AADACL4: variants seen among roughly 807,000 people sequenced by gnomAD.
AADACL4 encodes arylacetamide deacetylase-like 4.
AADACL4 carries 9 observed loss-of-function variants against 14.1 expected under a neutral mutation model. The observed-to-expected ratio is 0.64, with a 90% CI of 0.39 to 1.12. AADACL4 has a LOEUF of 1.12. Among genes scored for constraint, AADACL4 ranks in the 50% most tolerant of loss-of-function variants. The pLI, the probability that AADACL4 is intolerant of heterozygous loss-of-function variation, is 0.01. For missense variants in AADACL4, 531 were observed against 516.1 expected (o/e 1.03, Z -0.28); for synonymous variants, 188 against 201.6 (o/e 0.93, Z 0.57).
At chr1:12,658,127 C>CCTTT (rs1491271951) in intron 2 of AADACL4, among the ~76,000 whole-genome samples, 1 of 119,448 alleles carries the variant, frequency 8.4e-6, no homozygotes, top group Non-Finnish European at 1.6e-5. Flanking sequence ...TTCCTTCCTT[C>CCTTT]CTTCCTTCCT....
chr1:12,645,559 T>C (rs1647106430), intron 1 of AADACL4, among the ~76,000 whole-genome samples: 1 of 152,148 alleles, frequency 6.6e-6, no homozygotes, highest in South Asian at 2.1e-4. Context: ...TTTTACTTTT[T>C]TGAGACGGGG....
At position 12,666,672 on chromosome 1, in the gene AADACL4, T is replaced by C; in HGVS notation, c.1161T>C (p.Ala387=). 1 of 1,613,984 alleles carries C rather than the reference T, an allele frequency of 6.2e-7. No homozygotes were observed. The highest frequency in any genetic ancestry group is 8.5e-7 in the Non-Finnish European group (1 of 1,180,018). ...HGSIIFFDKK[A]LSFPCSLKIV... ...CCATTATCTTTTTTGATAAGAAGGC[T>C]CTCTCTTTCCCATGTTCCCTGAAGA... is the stretch of plus-strand genomic sequence containing the variant. Residue 387 remains alanine, a synonymous_variant, in exon 4 of 4, where the codon GCT becomes GCC. Coordinates refer to ENST00000376221, the MANE Select transcript of AADACL4 (RefSeq NM_001013630.2).
Position 12,651,207 on chromosome 1 carries a change from C to A in AADACL4, c.253C>A (p.Pro85Thr). 6.2e-7 allele frequency: 1 copy of A among 1,614,186 alleles called. No individual in the cohort carries two copies. The highest frequency in any genetic ancestry group is 1.7e-5 in the Admixed American group (1 of 60,028). Residue 85 changes from proline (P) to threonine (T), a missense_variant, in exon 2 of 4, where the codon CCT becomes ACT. Physicochemically the swap from Pro to Thr is conservative, Grantham distance 38 (BLOSUM62 -1). Transcript: ENST00000376221. ...TGATAGCGTGAGAATTAAAAAGGAC[C>A]CTGAACTTGTGGTGACCGACCTGCG... The part of the protein sequence containing the change: ...LHDSVRIKKD[P>T]ELVVTDLRFG...
intron 1 of AADACL4, among the ~76,000 whole-genome samples, chr1:12,647,358 C>T (rs1435904060): frequency 6.6e-6 from 1 of 152,170 alleles, no homozygotes; most frequent in Non-Finnish European, 1.5e-5. Flanking sequence ...CTTGGCCTCC[C>T]AAAGTGCTAG....
At chr1:12,648,902 C>T (rs964316555) in intron 1 of AADACL4, among the ~76,000 whole-genome samples, 21 of 152,138 alleles carry the variant, frequency 1.4e-4, no homozygotes, top group African/African-American at 4.3e-4. Flanking sequence ...TTAAACTTTC[C>T]GGGGTAGCGC....
chr1:12,666,852 C>T lies in AADACL4; in HGVS notation c.*117C>T. ...GGTGCTACATCAATGCTTGGGGCAG[C>T]TGGGAAGGGTGAGAAGTAAGCTAAC... is the stretch of plus-strand genomic sequence containing the variant. On this transcript the variant is annotated 3_prime_UTR_variant, in exon 4 of 4. Coordinates refer to ENST00000376221, the MANE Select transcript of AADACL4 (RefSeq NM_001013630.2). 2 of 1,101,052 alleles carry T rather than the reference C, an allele frequency of 1.8e-6. No individual in the cohort carries two copies. Among genetic ancestry groups the T allele is most frequent in the Non-Finnish European group, 2.6e-6 (2 of 777,436 alleles). 68.2% of individuals were successfully genotyped at this position (1,101,052 alleles called of 1,614,324 possible).
In AADACL4 at chr1:12,666,216, T is replaced by C. The variant is rs1332659356; in HGVS notation, c.705T>C (p.Phe235=). 1 of 1,614,266 alleles carries C rather than the reference T, an allele frequency of 6.2e-7. No individual in the cohort carries two copies. Among genetic ancestry groups the C allele is most frequent in the Admixed American group, 1.7e-5 (1 of 60,034 alleles). Residue 235 remains phenylalanine, a synonymous_variant, in exon 4 of 4, where the codon TTT becomes TTC. Transcript: ENST00000376221. ...CATTCTGTTTGCAGTTGCCATCCTT[T>C]CAGCAGAACCAAAATGTCCCATTAC... The part of the protein sequence containing the change: ...VQAFCLQLPS[F]QQNQNVPLLS...
Position 12,666,766 on chromosome 1 carries a change from G to C in AADACL4, c.*31G>C. 1 of 1,561,328 alleles carries C rather than the reference G, an allele frequency of 6.4e-7. No homozygotes were observed. The highest frequency in any genetic ancestry group is 1.7e-4 in the Middle Eastern group (1 of 5,832). On this transcript the variant is annotated 3_prime_UTR_variant, in exon 4 of 4. Coordinates refer to ENST00000376221, the MANE Select transcript of AADACL4 (RefSeq NM_001013630.2). ...ACCCTGGGGCCCCGAGGAGGAAGGG[G>C]CAAGTATGGACTCTACCAGAAACCG... is the stretch of plus-strand genomic sequence containing the variant.
intron 3 of AADACL4, among the ~76,000 whole-genome samples, chr1:12,662,858 G>A (rs1647251298): frequency 6.6e-6 from 1 of 152,172 alleles, no homozygotes; most frequent in Non-Finnish European, 1.5e-5. Context: ...TTACCATTGT[G>A]TCTGAAATTC....
chr1:12,658,032 C>T (rs1647192599), intron 2 of AADACL4, among the ~76,000 whole-genome samples: 2 of 143,808 alleles, frequency 1.4e-5, no homozygotes, highest in Non-Finnish European at 3.0e-5. Flanking sequence ...CTTTCTCTTT[C>T]TTTCCTTCCT....
intron 1 of AADACL4, among the ~76,000 whole-genome samples, chr1:12,647,395 G>C (rs1036887087): frequency 1.3e-5 from 2 of 151,602 alleles, no homozygotes; most frequent in African/African-American, 2.4e-5. Context: ...CACTGTGCAC[G>C]GCCCTGGGGA....
rs1053064143 is a variant in AADACL4 at position 12,661,863 on chromosome 1, C to T, written c.449+9C>T. 3.7e-6 allele frequency: 6 copies of T among 1,613,714 alleles called. No homozygotes were observed. The highest frequency in any genetic ancestry group is 5.1e-6 in the Non-Finnish European group (6 of 1,179,660). On this transcript the variant is annotated intron_variant, in intron 3 of 3. Coordinates refer to ENST00000376221, the MANE Select transcript of AADACL4 (RefSeq NM_001013630.2). ...GTACTTCTGATGATTGGGTGAGTTTCTGGAGACAGCTGGTAGGTTCCACAG... is the reference window on the plus strand; with the variant it reads ...GTACTTCTGATGATTGGGTGAGTTTTTGGAGACAGCTGGTAGGTTCCACAG...
intron 1 of AADACL4, among the ~76,000 whole-genome samples, chr1:12,649,292 G>A (rs1363044049): frequency 2.0e-5 from 3 of 152,198 alleles, no homozygotes; most frequent in Non-Finnish European, 4.4e-5. Flanking sequence ...TGCTGAACAG[G>A]TAAGAAAGGC....
intron 1 of AADACL4, among the ~76,000 whole-genome samples, chr1:12,645,616 C>T (rs142753501): frequency 2.6e-4 from 39 of 152,166 alleles, no homozygotes; most frequent in African/African-American, 9.4e-4. Flanking sequence ...AATCATGGCT[C>T]AGTGCAGCCT....
At chr1:12,649,816 G>A (rs1647134496) in intron 1 of AADACL4, among the ~76,000 whole-genome samples, 1 of 152,202 alleles carries the variant, frequency 6.6e-6, no homozygotes, top group Admixed American at 6.5e-5. Flanking sequence ...AGACAGTGAT[G>A]CCCAAGGCTT....
intron 3 of AADACL4, 99 bp from the exon 4 acceptor site, chr1:12,665,862 T>C: frequency 7.9e-7 from 1 of 1,266,280 alleles, no homozygotes. Context: ...GAGGATTTAA[T>C]CAGATATAGT....
chr1:12,666,670 G>GCT lies in AADACL4; in HGVS notation c.1166_1167dup (p.Phe390LeufsTer6). On this transcript the variant is annotated frameshift_variant, in exon 4 of 4. Coordinates refer to ENST00000376221, the MANE Select transcript of AADACL4 (RefSeq NM_001013630.2). LOFTEE classifies it low-confidence loss of function (END_TRUNC). ...ATCCATTATCTTTTTTGATAAGAAGGCTCTCTCTTTCCCATGTTCCCTGAA... is the reference window on the plus strand; with the variant it reads ...ATCCATTATCTTTTTTGATAAGAAGGCTCTCTCTCTTTCCCATGTTCCCTGAA... The GCT allele has an allele frequency of 6.2e-7, 1 of 1,613,956 alleles. No homozygotes were observed. Among genetic ancestry groups the GCT allele is most frequent in the Non-Finnish European group, 8.5e-7 (1 of 1,180,010 alleles).
intron 2 of AADACL4, among the ~76,000 whole-genome samples, chr1:12,658,131 C>CTTTCTTTCTTT: frequency 8.3e-6 from 1 of 120,032 alleles, no homozygotes; most frequent in African/African-American, 5.0e-5. Context: ...TTCCTTCCTT[C>CTTTCTTTCTTT]CTTCCTTCCT....
intron 2 of AADACL4, among the ~76,000 whole-genome samples, chr1:12,655,759 T>C (rs1647176532): frequency 1.3e-5 from 2 of 152,010 alleles, no homozygotes; most frequent in Admixed American, 6.6e-5. Context: ...GTCCCTATTA[T>C]TGAATATCCC....
Sources: gnomAD v4.1 joint callset for allele counts (sites outside exome capture counted in the v4.1 genomes callset) on GRCh38, gnomAD v4.1.1 for gene constraint, MANE v1.5 for transcripts, NCBI Gene and HGNC (gene_info 2026-07-23, HGNC 2026-07-21) for gene names.